ZNF366: variants seen among roughly 807,000 people sequenced by gnomAD.
ZNF366 encodes the protein dendritic cell-specific transcript protein.
A neutral mutation model predicts 47.2 loss-of-function variants in ZNF366; 20 were observed. The observed-to-expected ratio is 0.42, with a 90% confidence interval of 0.30 to 0.62. The LOEUF (loss-of-function observed/expected upper bound fraction) is 0.62, where lower values mean the gene tolerates loss of function less well. Among genes scored for constraint, ZNF366 ranks in the 20% least tolerant of loss-of-function variants. The pLI is 0.16. For synonymous variants in ZNF366, 421 were observed against 395.1 expected, an observed-to-expected ratio of 1.07 and a Z score of -0.78; for missense variants, 987 against 976.3, an observed-to-expected ratio of 1.01 and a Z score of -0.15.
chr5:72,461,649 G>A, intron 1 of ZNF366, 139 bp from the exon 2 acceptor site: 1 of 1,209,716 alleles, frequency 8.3e-7, no homozygotes, highest in Non-Finnish European at 1.1e-6. Context: ...TTATCCTAGG[G>A]CTGTTCAAAA....
intron 1 of ZNF366, among the ~76,000 whole-genome samples, chr5:72,471,852 AAAAAAATTTTTTTT>A (rs1743571870): frequency 6.7e-6 from 1 of 150,062 alleles, no homozygotes; most frequent in African/African-American, 2.5e-5. Flanking sequence ...CAAGGTCTTA[AAAAAAATTTTTTTT>A]TAAGAGACGG....
In ZNF366 at chr5:72,460,798, G is replaced by A. The variant is rs931053571; in HGVS notation, c.699C>T (p.Asp233=). 15 of 1,614,084 alleles carry A rather than the reference G, an allele frequency of 9.3e-6. No individual in the cohort carries two copies. Among genetic ancestry groups the A allele is most frequent in the Non-Finnish European group, 1.3e-5 (15 of 1,180,054 alleles). ...EETKQKVERV[D]VNVQIDDSYY... is the part of the protein sequence containing the mutation. ...AGCTGTCATCGATCTGCACGTTCAC[G>A]TCCACCCTCTCCACCTTCTGCTTGG... Residue 233 remains aspartate (D), a synonymous_variant, in exon 2 of 5, where the codon GAC becomes GAT. Transcript: ENST00000318442.
chr5:72,487,061 C>T (rs923005105), intron 1 of ZNF366, among the ~76,000 whole-genome samples: 2 of 152,220 alleles, frequency 1.3e-5, no homozygotes, highest in Non-Finnish European at 2.9e-5. Flanking sequence ...AGGCATGAGC[C>T]ACTACGCCCT....
At chr5:72,454,840 G>A (rs1425527162) in intron 3 of ZNF366, among the ~76,000 whole-genome samples, 1 of 152,172 alleles carries the variant, frequency 6.6e-6, no homozygotes, top group East Asian at 1.9e-4. Context: ...GGAAATGAAA[G>A]AAGTCCCTAA....
intron 1 of ZNF366, among the ~76,000 whole-genome samples, chr5:72,484,143 T>G (rs1384367437): frequency 6.6e-6 from 1 of 152,186 alleles, no homozygotes; most frequent in Non-Finnish European, 1.5e-5. Context: ...ACATGGGTAA[T>G]TTTTCTTAAA....
rs1403502898 is a variant in ZNF366, at chr5:72,440,029, T to G, written c.*3727A>C. 1 of 152,262 alleles carries G rather than the reference T, an allele frequency of 6.6e-6. No individual in the cohort carries two copies. The highest frequency in any genetic ancestry group is 1.5e-5 in the Non-Finnish European group (1 of 68,048). The allele number at this position is 152,262 out of a possible 1,614,324, so 9.4% of individuals were successfully genotyped here. The stretch of plus-strand genomic sequence containing the variant: ...CTTGGGCTGCTATATACTTAGAGTT[T>G]TAGTTTTTAAATAGCAAGCCAGAGT... On this transcript the variant is annotated 3_prime_UTR_variant, in exon 5 of 5. Coordinates refer to ENST00000318442, the MANE Select transcript of ZNF366 (RefSeq NM_152625.3).
chr5:72,500,034 C>T (rs1251646142), intron 1 of ZNF366, among the ~76,000 whole-genome samples: 1 of 152,186 alleles, frequency 6.6e-6, no homozygotes, highest in Non-Finnish European at 1.5e-5. Flanking sequence ...AAAGGAAACT[C>T]TAAGGATTCT....
chr5:72,456,259 T>A, intron 3 of ZNF366, 145 bp downstream of exon 3: 1 of 748,128 alleles, frequency 1.3e-6, no homozygotes, highest in Non-Finnish European at 2.1e-6. Context: ...AGGGATAGAG[T>A]GGCAGATGGG....
At chr5:72,481,270 C>A (rs1053683821) in intron 1 of ZNF366, among the ~76,000 whole-genome samples, 1 of 151,904 alleles carries the variant, frequency 6.6e-6, no homozygotes, top group African/African-American at 2.4e-5. Context: ...TTTTTAATGA[C>A]CTTTAAATAG....
Position 72,499,479 on chromosome 5 carries a change from C to CA in ZNF366, c.-15+7771_-15+7772insT, listed in dbSNP as rs1200301780. 2.7e-5 allele frequency among the ~76,000 whole-genome samples: 3 copies of CA among 112,186 alleles called. No homozygotes were observed. The East Asian group carries it at 7.7e-4, about 29-fold the overall frequency. 73.6% of individuals were successfully genotyped at this position (112,186 alleles called of 152,430 possible). A position where few individuals can be genotyped will look rare whatever the true frequency, so the allele number is the denominator to read the frequency against. Reference sequence around the variant, plus strand: ...AATTCTAGCACTTCAGGAATCCTGCCTTTTTTTTTTTTTTTTTTTTTTTGA... The same window carrying CA: ...AATTCTAGCACTTCAGGAATCCTGCCATTTTTTTTTTTTTTTTTTTTTTTGA... On this transcript the variant is annotated intron_variant, in intron 1 of 4. Transcript: ENST00000318442.
chr5:72,463,772 T>A (rs1325126009), intron 1 of ZNF366, among the ~76,000 whole-genome samples: 1 of 152,204 alleles, frequency 6.6e-6, no homozygotes, highest in South Asian at 2.1e-4. Context: ...TACTAAATCA[T>A]CTCTTAGCTT....
chr5:72,501,362 G>C (rs1468345864), intron 1 of ZNF366, among the ~76,000 whole-genome samples: 4 of 152,168 alleles, frequency 2.6e-5, no homozygotes, highest in Non-Finnish European at 4.4e-5. Flanking sequence ...TTAATAGAGA[G>C]TGCCTTTTCA....
At chr5:72,474,959 G>A (rs1215779208) in intron 1 of ZNF366, among the ~76,000 whole-genome samples, 1 of 152,140 alleles carries the variant, frequency 6.6e-6, no homozygotes, top group Non-Finnish European at 1.5e-5. Context: ...AGAAAGAAAG[G>A]AGGGGTAGCA....
chr5:72,443,871 C>G lies in ZNF366; in HGVS notation c.2120G>C (p.Ser707Thr), dbSNP rs768140909. 1 of 1,614,220 alleles carries G rather than the reference C, an allele frequency of 6.2e-7. No homozygotes were observed. Among genetic ancestry groups the G allele is most frequent in the Non-Finnish European group, 8.5e-7 (1 of 1,180,042 alleles). Residue 707 changes from serine (S) to threonine (T), a missense_variant, in exon 5 of 5, where the codon AGT (serine) becomes ACT (threonine). Ser to Thr is a moderately conservative substitution (Grantham distance 58). Coordinates refer to ENST00000318442, the MANE Select transcript of ZNF366 (RefSeq NM_152625.3). ...DECLSLRAFQSTRRGPSFSDY... is the reference protein window; with the variant it reads ...DECLSLRAFQTTRRGPSFSDY... ...AGAAAAAGAGGGGCCCCGCCGGGTA[C>G]TCTGAAAAGCCCTGAGACTGAGACA...
intron 1 of ZNF366, among the ~76,000 whole-genome samples, chr5:72,466,873 C>T (rs755102672): frequency 1.3e-5 from 2 of 152,234 alleles, no homozygotes; most frequent in Non-Finnish European, 2.9e-5. Flanking sequence ...TGAGCTAACT[C>T]TCAGATTCAG....
intron 1 of ZNF366, among the ~76,000 whole-genome samples, chr5:72,492,558 A>G (rs1466953795): frequency 6.6e-6 from 1 of 152,250 alleles, no homozygotes; most frequent in Admixed American, 6.5e-5. Flanking sequence ...AAAGTCAAGC[A>G]ATAGGTTCTT....
At chr5:72,449,920 T>C (rs2112318062) in intron 3 of ZNF366, among the ~76,000 whole-genome samples, 1 of 152,246 alleles carries the variant, frequency 6.6e-6, no homozygotes, top group South Asian at 2.1e-4. Context: ...GAAGATCAAT[T>C]AGGCTACTGC....
intron 1 of ZNF366, among the ~76,000 whole-genome samples, chr5:72,483,836 G>A (rs1180239018): frequency 1.3e-5 from 2 of 152,044 alleles, no homozygotes; most frequent in Admixed American, 6.5e-5. Flanking sequence ...TGTGCTCCTG[G>A]CCCTCAAGCA....
At chr5:72,493,603 G>A (rs1488953600) in intron 1 of ZNF366, 1 of 152,158 alleles carries the variant, frequency 6.6e-6, no homozygotes, top group Admixed American at 6.5e-5. Context: ...CAACTTGTTA[G>A]TGAGCCCTAG....
Sources: gnomAD v4.1 joint callset for allele counts (sites outside exome capture counted in the v4.1 genomes callset) on GRCh38, gnomAD v4.1.1 for gene constraint, MANE v1.5 for transcripts, NCBI Gene and HGNC (gene_info 2026-07-23, HGNC 2026-07-21) for gene names.